Variants in PPIP5K2 observed in about 807,000 individuals in gnomAD.
PPIP5K2 encodes inositol hexakisphosphate and diphosphoinositol-pentakisphosphate kinase 2.
Under a neutral mutation model 154.6 loss-of-function variants are expected in PPIP5K2, and 105 were observed. The observed-to-expected ratio is 0.68, with a 90% CI of 0.58 to 0.80. The LOEUF is 0.80. Among genes scored for constraint, PPIP5K2 ranks in the 30% least tolerant of loss-of-function variants. The pLI is 0.00. For synonymous variants in PPIP5K2, 480 were observed against 490.3 expected (o/e 0.98, Z 0.28); for missense variants, 992 against 1,504.6 (o/e 0.66, Z 5.64).
rs192567509 is a variant in PPIP5K2, at chr5:103,129,348, C to G, written c.-242C>G. 7.8e-6 allele frequency: 2 copies of G among 256,592 alleles called. No homozygotes were observed. The highest frequency in any genetic ancestry group is 1.1e-4 in the Admixed American group (2 of 18,994). The allele number at this position is 256,592 out of a possible 1,614,324, so 15.9% of individuals were successfully genotyped here. A position where few individuals can be genotyped will look rare whatever the true frequency, so the allele number is the denominator to read the frequency against. ...TCAACTCAAGAAAGCAGTAACTTCA[C>G]TGTCTTTGTATTTTGAATTGCAACA... is the stretch of plus-strand genomic sequence containing the variant. On this transcript the variant is annotated 5_prime_UTR_variant, in exon 2 of 31. Transcript: ENST00000358359.
intron 3 of PPIP5K2, chr5:103,135,909 A>T (rs1791405773): frequency 6.8e-6 from 1 of 147,902 alleles, no homozygotes; most frequent in Non-Finnish European, 1.5e-5. Flanking sequence ...CAATAGCATG[A>T]TTCTGCTCAT....
chr5:103,136,708 T>C, intron 3 of PPIP5K2, 24 bp from the exon 4 acceptor site: 1 of 1,558,662 alleles, frequency 6.4e-7, no homozygotes, highest in Non-Finnish European at 8.8e-7. Context: ...TAATACAGAA[T>C]ATGTTAATAA....
At chr5:103,173,410 C>A in intron 20 of PPIP5K2, 128 bp downstream of exon 20, 2 of 1,100,288 alleles carry the variant, frequency 1.8e-6, no homozygotes, top group Non-Finnish European at 2.5e-6. Flanking sequence ...ATAGTATTAC[C>A]TAGGTATTTC....
intron 1 of PPIP5K2, among the ~76,000 whole-genome samples, chr5:103,125,955 T>C (rs1789601909): frequency 6.6e-6 from 1 of 152,210 alleles, no homozygotes; most frequent in South Asian, 2.1e-4. Flanking sequence ...CAGTCCTTTG[T>C]GTGCATCTTA....
rs540184124 is a variant in PPIP5K2 at position 103,173,642 on chromosome 5, C to G, written c.2415-216C>G. On this transcript the variant is annotated intron_variant, in intron 20 of 30. Coordinates refer to ENST00000358359, the MANE Select transcript of PPIP5K2 (RefSeq NM_001276277.3). ...GTACTTGACTAATATTAAGTCTATT[C>G]TTTGACTACTCTCAGAGGTCCTAGT... 7.2e-5 allele frequency among the ~76,000 whole-genome samples: 11 copies of G among 152,036 alleles called. No individual in the cohort carries two copies. In the South Asian group the frequency reaches 2.1e-3, roughly 29 times the overall value.
chr5:103,154,688 A>G lies in PPIP5K2; in HGVS notation c.1236A>G (p.Glu412=). ...TTATAAGATTTTTTGATCTTTTTGA[A>G]AAGTGTGATGGATATAAATCAGGGA... The part of the protein sequence containing the change: ...VRHQKFFDLF[E]KCDGYKSGKL... The change falls in exon 12 of 31, where the codon GAA becomes GAG. Residue 412 remains glutamate, a synonymous_variant. Coordinates refer to ENST00000358359, the MANE Select transcript of PPIP5K2 (RefSeq NM_001276277.3). 6.4e-7 allele frequency: 1 copy of G among 1,552,028 alleles called. No homozygotes were observed. Among genetic ancestry groups the G allele is most frequent in the South Asian group, 1.2e-5 (1 of 82,572 alleles).
intron 2 of PPIP5K2, among the ~76,000 whole-genome samples, chr5:103,130,987 C>T (rs1391182226): frequency 2.0e-5 from 3 of 152,096 alleles, no homozygotes; most frequent in African/African-American, 4.8e-5. Context: ...TCATACCATG[C>T]GTCTTTGCTA....
chr5:103,130,213 T>C (rs1554202252), intron 2 of PPIP5K2, among the ~76,000 whole-genome samples: 2 of 152,160 alleles, frequency 1.3e-5, no homozygotes, highest in Non-Finnish European at 2.9e-5. Flanking sequence ...TCTATGTGTT[T>C]GTGTGTGTGT....
intron 27 of PPIP5K2, 91 bp from the exon 28 acceptor site, chr5:103,187,223 C>T (rs1012826165): frequency 7.3e-5 from 65 of 891,540 alleles, no homozygotes; most frequent in Admixed American, 2.5e-4. Context: ...ACCTTTCTAA[C>T]CTCCTCATAT....
chr5:103,175,319 T>G (rs1219135563), intron 21 of PPIP5K2, among the ~76,000 whole-genome samples: 1 of 152,114 alleles, frequency 6.6e-6, no homozygotes, highest in Admixed American at 6.6e-5. Flanking sequence ...TCTTCTGGTT[T>G]TTTGTTTCTT....
intron 1 of PPIP5K2, among the ~76,000 whole-genome samples, chr5:103,124,926 A>T (rs540681398): frequency 1.6e-3 from 246 of 152,344 alleles, no homozygotes; most frequent in Non-Finnish European, 2.1e-3. Context: ...TTGTGGAGGG[A>T]TATACATAAC....
rs376791371 is a variant in PPIP5K2, at chr5:103,183,311, G to A, written c.3000G>A (p.Gly1000=). The change falls in exon 25 of 31, where the codon GGG becomes GGA. Residue 1000 remains glycine (G), a synonymous_variant. Coordinates refer to ENST00000358359, the MANE Select transcript of PPIP5K2 (RefSeq NM_001276277.3). ...ATTATACCAGTGGTGTGGGTACTGG[G>A]CGTCGAAGACGCAGATCAGGGGAAC... ...WLHYTSGVGT[G]RRRRRSGEQI... The A allele has an allele frequency of 1.2e-6, 2 of 1,604,226 alleles. No individual in the cohort carries two copies. The highest frequency in any genetic ancestry group is 1.7e-5 in the Admixed American group (1 of 57,924).
chr5:103,169,406 A>G (rs559759381), intron 19 of PPIP5K2, among the ~76,000 whole-genome samples: 14 of 151,964 alleles, frequency 9.2e-5, no homozygotes, highest in African/African-American at 3.4e-4. Flanking sequence ...AGCCTAACTT[A>G]TAAATACACA....
intron 17 of PPIP5K2, among the ~76,000 whole-genome samples, chr5:103,166,725 G>A (rs1797174917): frequency 6.6e-6 from 1 of 151,872 alleles, no homozygotes; most frequent in Non-Finnish European, 1.5e-5. Context: ...GAGGGAACTA[G>A]AGAAAAGAAA....
chr5:103,176,978 G>C, intron 21 of PPIP5K2: 1 of 1,164,556 alleles, frequency 8.6e-7, no homozygotes, highest in Non-Finnish European at 1.2e-6. Flanking sequence ...GTGTAATAGG[G>C]ATACTTGTTG....
rs868929364 is a variant in PPIP5K2, at chr5:103,138,423, A to G, written c.441A>G (p.Leu147=). The G allele has an allele frequency of 1.9e-6, 3 of 1,606,204 alleles. No homozygotes were observed. The highest frequency in any genetic ancestry group is 1.1e-5 in the South Asian group (1 of 90,662). Residue 147 remains leucine, a synonymous_variant, in exon 5 of 31, where the codon TTA becomes TTG. Coordinates refer to ENST00000358359, the MANE Select transcript of PPIP5K2 (RefSeq NM_001276277.3). ...VYSILQAEGI[L]LPRYAILNRD... is the part of the protein sequence containing the mutation. ...GTATTCTTCAAGCTGAAGGTATTTT[A>G]CTTCCTCGTTATGCTATTTTGAACC...
chr5:103,149,302 C>G lies in PPIP5K2; in HGVS notation c.895C>G (p.Leu299Val). The G allele has an allele frequency of 6.2e-7, 1 of 1,613,006 alleles. No homozygotes were observed. Residue 299 changes from leucine (L) to valine (V), a missense_variant, in exon 8 of 31, where the codon CTT (leucine) becomes GTT (valine). Leu to Val is a conservative substitution (Grantham distance 32, BLOSUM62 1). Transcript: ENST00000358359. Reference sequence around the variant, plus strand: ...GAAATTAATTGCTTGGAAAGTCTGCCTTGCTTTTAAGGTAAGATGTTATAC... The same window carrying G: ...GAAATTAATTGCTTGGAAAGTCTGCGTTGCTTTTAAGGTAAGATGTTATAC... Reference protein sequence around the residue: ...REKLIAWKVCLAFKQTVCGFD... With the variant: ...REKLIAWKVCVAFKQTVCGFD...
Position 103,169,275 on chromosome 5 carries a change from G to T in PPIP5K2, c.2286+980G>T, listed in dbSNP as rs79165790. Among the ~76,000 whole-genome samples, 1,125 of 151,778 alleles carry T rather than the reference G, an allele frequency of 7.4e-3. 29 individuals are homozygous for T. In the East Asian group the frequency reaches 0.077, roughly 10 times the overall value. The stretch of plus-strand genomic sequence containing the variant: ...TTTCAACTCAGTACAAGATTATTTG[G>T]ATATTGTAAAGAGGAGGTTGGAGTA... On this transcript the variant is annotated intron_variant, in intron 19 of 30. Coordinates refer to ENST00000358359, the MANE Select transcript of PPIP5K2 (RefSeq NM_001276277.3).
At chr5:103,163,605 T>A (rs1796685523) in intron 17 of PPIP5K2, among the ~76,000 whole-genome samples, 1 of 152,034 alleles carries the variant, frequency 6.6e-6, no homozygotes, top group Admixed American at 6.6e-5. Context: ...AAAGTAGCAT[T>A]TCTAGTAACA....
Sources: allele counts gnomAD v4.1 joint callset (sites outside exome capture counted in the v4.1 genomes callset), GRCh38; gene constraint gnomAD v4.1.1; transcripts MANE v1.5; gene names NCBI Gene and HGNC (gene_info 2026-07-23, HGNC 2026-07-21).